ACKR2: variants seen among roughly 807,000 people sequenced by gnomAD.
ACKR2 encodes the protein atypical chemokine receptor 2.
For synonymous variants in ACKR2, 207 were observed against 192.2 expected, an observed-to-expected ratio of 1.08 and a Z score of -0.64; for missense variants, 457 against 477.3, an observed-to-expected ratio of 0.96 and a Z score of 0.40.
rs1350567899 is a variant in ACKR2, at chr3:42,852,674, C to G, written c.-37-11792C>G. ...CCCTTCCAGCCAGACTTTGTGTAAT[C>G]TGGTGTACCAGACGTGGCTCTGGGC... On this transcript the variant is annotated intron_variant, in intron 2 of 2. Coordinates refer to ENST00000422265, the MANE Select transcript of ACKR2 (RefSeq NM_001296.5). The surrounding 1 kb of genome is among the most constrained non-coding windows in gnomAD (Gnocchi z 4.3). 3.3e-5 allele frequency among the ~76,000 whole-genome samples: 5 copies of G among 152,190 alleles called. No individual in the cohort carries two copies. Among genetic ancestry groups the G allele is most frequent in the Admixed American group, 3.3e-4 (5 of 15,282 alleles).
At position 42,865,807 on chromosome 3, in the gene ACKR2, C is replaced by T. The variant is rs764346752; in HGVS notation, c.*150C>T. The T allele has an allele frequency of 1.6e-5, 10 of 607,448 alleles. No homozygotes were observed. The highest frequency in any genetic ancestry group is 8.7e-5 in the East Asian group (3 of 34,564). 37.6% of individuals were successfully genotyped at this position (607,448 alleles called of 1,614,324 possible). A position where few individuals can be genotyped will look rare whatever the true frequency, so the allele number is the denominator to read the frequency against. ...AGCCATCAGCAGCATTTGCTCGCCC[C>T]GCCTTCTTCCTCCACTTTCTTCACT... On this transcript the variant is annotated 3_prime_UTR_variant, in exon 3 of 3. Coordinates refer to ENST00000422265, the MANE Select transcript of ACKR2 (RefSeq NM_001296.5).
At chr3:42,817,491 A>G (rs1177147466) in intron 1 of ACKR2, among the ~76,000 whole-genome samples, 1 of 151,640 alleles carries the variant, frequency 6.6e-6, no homozygotes, top group Non-Finnish European at 1.5e-5. Flanking sequence ...CACCCATCAA[A>G]CCCTATGCTC....
rs114797874 is a variant in ACKR2 at position 42,829,061 on chromosome 3, G to A, written c.-38+9350G>A. ...GAGTTAGAAAAGGAACAGAGCAGGT[G>A]TCCTGGTATAGAGTGGACTTGAACA... On this transcript the variant is annotated intron_variant, in intron 2 of 2. Coordinates refer to ENST00000422265, the MANE Select transcript of ACKR2 (RefSeq NM_001296.5). Among the ~76,000 whole-genome samples, 385 of 152,286 alleles carry A rather than the reference G, an allele frequency of 2.5e-3. 3 individuals carry two copies. Among genetic ancestry groups the A allele is most frequent in the African/African-American group, 8.7e-3 (363 of 41,564 alleles).
chr3:42,844,550 A>T (rs1163537616), intron 2 of ACKR2, among the ~76,000 whole-genome samples: 1 of 152,144 alleles, frequency 6.6e-6, no homozygotes, highest in Non-Finnish European at 1.5e-5. Flanking sequence ...CCACAGACAG[A>T]GCAGTGTGGG....
chr3:42,823,488 A>C (rs544155188), intron 2 of ACKR2, among the ~76,000 whole-genome samples: 1 of 152,294 alleles, frequency 6.6e-6, no homozygotes, highest in African/African-American at 2.4e-5. Context: ...TCGTGTCTCC[A>C]GTCATTCTCT....
intron 2 of ACKR2, among the ~76,000 whole-genome samples, chr3:42,860,240 G>T (rs1014745288): frequency 1.8e-5 from 2 of 108,660 alleles, no homozygotes; most frequent in South Asian, 3.3e-4. Context: ...AGCCAACAAA[G>T]ATCAAAAAGA....
At position 42,844,851 on chromosome 3, in the gene ACKR2, G is replaced by T. The variant is rs76846126; in HGVS notation, c.-37-19615G>T. Among the ~76,000 whole-genome samples, 1,126 of 152,304 alleles carry T rather than the reference G, an allele frequency of 7.4e-3. 12 individuals carry two copies. Among genetic ancestry groups the T allele is most frequent in the African/African-American group, 0.026 (1,085 of 41,550 alleles). On this transcript the variant is annotated intron_variant, in intron 2 of 2. Transcript: ENST00000422265. ...CATCAGTTCCAGGAAACTGGTTACT[G>T]CCCAGGTGCAGGGGAGCATGGTGCC...
At chr3:42,858,731 C>G (rs1200695652) in intron 2 of ACKR2, among the ~76,000 whole-genome samples, 1 of 151,884 alleles carries the variant, frequency 6.6e-6, no homozygotes, top group Non-Finnish European at 1.5e-5. Flanking sequence ...CTCCTCTGAG[C>G]TAAAGGAGCA....
chr3:42,809,734 C>T (rs1700675528), intron 1 of ACKR2, among the ~76,000 whole-genome samples: 1 of 151,960 alleles, frequency 6.6e-6, no homozygotes, highest in African/African-American at 2.4e-5. Context: ...TGGTGGCGTG[C>T]ACCTGTAATC....
chr3:42,814,634 C>A (rs145021030), intron 1 of ACKR2, among the ~76,000 whole-genome samples: 1 of 152,066 alleles, frequency 6.6e-6, no homozygotes, highest in Non-Finnish European at 1.5e-5. Flanking sequence ...TAATAATTAC[C>A]GGTGTTTTTA....
At chr3:42,832,446 G>A (rs934929706) in intron 2 of ACKR2, among the ~76,000 whole-genome samples, 9 of 151,668 alleles carry the variant, frequency 5.9e-5, no homozygotes, top group East Asian at 1.9e-4. Context: ...CTGAGATTGC[G>A]CCACTGCACT....
intron 2 of ACKR2, among the ~76,000 whole-genome samples, chr3:42,820,953 C>T (rs868240412): frequency 3.3e-5 from 5 of 151,468 alleles, no homozygotes; most frequent in African/African-American, 1.2e-4. Flanking sequence ...GGTGCGATCT[C>T]GGCTCACTGC....
At chr3:42,839,267 A>C (rs990501749) in intron 2 of ACKR2, 1 of 152,046 alleles carries the variant, frequency 6.6e-6, no homozygotes, top group Non-Finnish European at 1.5e-5. Flanking sequence ...CTGTCCCCAG[A>C]AAGCCTCATT....
At chr3:42,815,814 C>A (rs1445632259) in intron 1 of ACKR2, among the ~76,000 whole-genome samples, 2 of 152,178 alleles carry the variant, frequency 1.3e-5, no homozygotes, top group Admixed American at 6.5e-5. Context: ...AAGGGAGGTA[C>A]CTGGTTCATT....
chr3:42,825,210 A>G (rs1700850433), intron 2 of ACKR2, among the ~76,000 whole-genome samples: 1 of 152,128 alleles, frequency 6.6e-6, no homozygotes, highest in Non-Finnish European at 1.5e-5. Context: ...TTCCATGCGA[A>G]TTTTATAATA....
intron 2 of ACKR2, among the ~76,000 whole-genome samples, chr3:42,848,213 ATTTT>A (rs36054454): frequency 1.3e-5 from 1 of 74,910 alleles, no homozygotes; most frequent in African/African-American, 4.6e-5. Context: ...AAAAAAAAAA[ATTTT>A]TTTTTTTTTT....
At chr3:42,836,089 A>C (rs915983202) in intron 2 of ACKR2, 2 of 152,080 alleles carry the variant, frequency 1.3e-5, no homozygotes, top group Non-Finnish European at 2.9e-5. Context: ...CTGCTCCAGG[A>C]ATGCATTCCT....
intron 2 of ACKR2, chr3:42,851,475 G>A (rs1701158652): frequency 2.0e-6 from 2 of 979,968 alleles, no homozygotes; most frequent in Non-Finnish European, 1.2e-6. Flanking sequence ...GCCATACTCG[G>A]GGTGTGGGGT....
intron 2 of ACKR2, chr3:42,835,251 A>G (rs1301457792): frequency 2.0e-5 from 3 of 151,856 alleles, no homozygotes; most frequent in Non-Finnish European, 2.9e-5. Flanking sequence ...TCCAGAGCCC[A>G]TGAAGATGCT....
Sources: gnomAD v4.1 joint callset for allele counts (sites outside exome capture counted in the v4.1 genomes callset) on GRCh38, gnomAD v4.1.1 for gene constraint, Gnocchi (gnomAD v3.1) non-coding constraint, MANE v1.5 for transcripts, NCBI Gene and HGNC (gene_info 2026-07-23, HGNC 2026-07-21) for gene names.